The following SPAG16 variants were observed in gnomAD, a reference collection of about 807,000 sequenced individuals.
SPAG16 encodes sperm associated antigen 16.
A neutral mutation model predicts 80.4 loss-of-function variants in SPAG16; 86 were observed. The observed-to-expected ratio is 1.07, with a 90% CI of 0.90 to 1.28. The LOEUF (loss-of-function observed/expected upper bound fraction) is 1.28, where lower values mean the gene tolerates loss of function less well. SPAG16 is among the 50% of genes most tolerant of loss of function. The probability of loss-of-function intolerance (pLI) is 0.00; values close to 1 mark genes in which losing one functional copy is unlikely to be tolerated. For missense variants in SPAG16, 870 were observed against 765.3 expected, an observed-to-expected ratio of 1.14 and a Z score of -1.61; for synonymous variants, 294 against 265.9, an observed-to-expected ratio of 1.11 and a Z score of -1.03.
chr2:213,604,147 CT>C (rs2061170410), intron 10 of SPAG16, among the ~76,000 whole-genome samples: 1 of 152,128 alleles, frequency 6.6e-6, no homozygotes, highest in Admixed American at 6.5e-5. Context: ...CCGCCTCGGC[CT>C]CCCAAAGTGC....
chr2:213,599,130 A>G (rs2060976663), intron 10 of SPAG16, among the ~76,000 whole-genome samples: 1 of 152,238 alleles, frequency 6.6e-6, no homozygotes, highest in African/African-American at 2.4e-5. Context: ...TGAAAAACAA[A>G]TATAGTTTTA....
At chr2:214,037,151 T>G (rs1320556984) in intron 13 of SPAG16, among the ~76,000 whole-genome samples, 2 of 151,872 alleles carry the variant, frequency 1.3e-5, no homozygotes, top group African/African-American at 4.8e-5. Flanking sequence ...TTATAGGGTT[T>G]CCTTTTATCA....
intron 12 of SPAG16, among the ~76,000 whole-genome samples, chr2:213,980,708 G>GTATATATATATATATATA (rs796912299): frequency 2.4e-4 from 25 of 102,690 alleles, no homozygotes; most frequent in Middle Eastern, 5.1e-3. Context: ...GTGTGTGTGT[G>GTATATATATATATATATA]TGTGTATATA....
chr2:213,463,194 C>T lies in SPAG16; in HGVS notation c.943-26769C>T, dbSNP rs888856304. On this transcript the variant is annotated intron_variant, in intron 9 of 15. Coordinates refer to ENST00000331683, the MANE Select transcript of SPAG16 (RefSeq NM_024532.5). ...ACTTGAGAGAGATGATTTAGGACAT[C>T]TGGTGGAAGAAGTTTGTAAGCATCG... is the stretch of plus-strand genomic sequence containing the variant. 3.9e-5 allele frequency among the ~76,000 whole-genome samples: 6 copies of T among 152,162 alleles called. 1 individual carries two copies. Among genetic ancestry groups the T allele is most frequent in the African/African-American group, 1.4e-4 (6 of 41,436 alleles).
intron 10 of SPAG16, among the ~76,000 whole-genome samples, chr2:213,769,781 G>A (rs768200603): frequency 1.4e-4 from 21 of 152,222 alleles, no homozygotes; most frequent in South Asian, 4.1e-4. Flanking sequence ...GACGTGTACA[G>A]TTTGATCATC....
chr2:213,911,083 C>T (rs145833924), intron 11 of SPAG16, among the ~76,000 whole-genome samples: 1 of 152,102 alleles, frequency 6.6e-6, no homozygotes, highest in Non-Finnish European at 1.5e-5. Context: ...AAAGTGATTA[C>T]CATCAATCTG....
rs775471627 is a variant in SPAG16 at position 213,732,082 on chromosome 2, G to A, written c.1071-130403G>A. ...TTAAGTCTTTTATCCATCTTGAGTT[G>A]ATTTTTGTTGATGGTGTAAGGAAGG... On this transcript the variant is annotated intron_variant, in intron 10 of 15. Transcript: ENST00000331683. Among the ~76,000 whole-genome samples, 104 of 152,106 alleles carry A rather than the reference G, an allele frequency of 6.8e-4. 3 individuals carry two copies. The highest frequency in any genetic ancestry group is 2.1e-4 in the Non-Finnish European group (14 of 68,010).
intron 10 of SPAG16, among the ~76,000 whole-genome samples, chr2:213,586,472 A>G (rs984453265): frequency 3.3e-5 from 5 of 152,242 alleles, no homozygotes; most frequent in African/African-American, 9.6e-5. Flanking sequence ...CTTAAGAGTT[A>G]GGATTTCAAA....
chr2:213,350,042 CTTCT>C (rs1276681857), intron 6 of SPAG16, among the ~76,000 whole-genome samples: 1 of 152,010 alleles, frequency 6.6e-6, no homozygotes, highest in African/African-American at 2.4e-5. Flanking sequence ...TGAATTATTC[CTTCT>C]GTTTAGATAT....
At chr2:213,424,131 C>A (rs2069763541) in intron 9 of SPAG16, among the ~76,000 whole-genome samples, 2 of 152,056 alleles carry the variant, frequency 1.3e-5, no homozygotes, top group Non-Finnish European at 2.9e-5. Flanking sequence ...TAAGTGTAGT[C>A]AGGATGTTAT....
At chr2:214,187,009 C>T (rs544387471) in intron 15 of SPAG16, among the ~76,000 whole-genome samples, 3 of 152,184 alleles carry the variant, frequency 2.0e-5, no homozygotes, top group African/African-American at 7.2e-5. Flanking sequence ...GGTGATCCAC[C>T]CACCTTGGCC....
At chr2:213,836,350 T>C (rs1559509050) in intron 10 of SPAG16, among the ~76,000 whole-genome samples, 2 of 152,176 alleles carry the variant, frequency 1.3e-5, no homozygotes, top group Admixed American at 6.5e-5. Context: ...AAATATGCTT[T>C]AGTGGAAATT....
At chr2:213,327,758 G>T (rs972799944) in intron 5 of SPAG16, among the ~76,000 whole-genome samples, 1 of 151,978 alleles carries the variant, frequency 6.6e-6, no homozygotes, top group Non-Finnish European at 1.5e-5. Context: ...ATTTTTGGTT[G>T]ATTAGAAGAT....
chr2:213,920,750 G>T (rs571038877), intron 11 of SPAG16, among the ~76,000 whole-genome samples: 5 of 152,332 alleles, frequency 3.3e-5, no homozygotes, highest in African/African-American at 1.2e-4. Flanking sequence ...AAGTCTGAGA[G>T]TTTCCCTAGG....
At chr2:213,603,786 C>G (rs2061154720) in intron 10 of SPAG16, among the ~76,000 whole-genome samples, 1 of 152,188 alleles carries the variant, frequency 6.6e-6, no homozygotes, top group Admixed American at 6.5e-5. Context: ...ATCCTCTGGC[C>G]TACCATTCAC....
At chr2:213,481,839 G>T (rs1237827718) in intron 9 of SPAG16, among the ~76,000 whole-genome samples, 1 of 152,232 alleles carries the variant, frequency 6.6e-6, no homozygotes, top group Non-Finnish European at 1.5e-5. Context: ...GTCTGTGCAA[G>T]AGAAGGGCAC....
chr2:213,452,046 T>A (rs1559146937), intron 9 of SPAG16, among the ~76,000 whole-genome samples: 1 of 151,890 alleles, frequency 6.6e-6, no homozygotes, highest in African/African-American at 2.4e-5. Flanking sequence ...TATGGCACAC[T>A]GTTTTTACTG....
intron 10 of SPAG16, among the ~76,000 whole-genome samples, chr2:213,861,174 A>G (rs541685804): frequency 2.5e-4 from 38 of 152,314 alleles, no homozygotes; most frequent in African/African-American, 8.4e-4. Flanking sequence ...GGCCATGCCC[A>G]TAGTGGTTAC....
intron 7 of SPAG16, among the ~76,000 whole-genome samples, chr2:213,354,931 CTT>C (rs1464441790): frequency 2.0e-5 from 3 of 152,202 alleles, no homozygotes; most frequent in Non-Finnish European, 2.9e-5. Flanking sequence ...GTCACAAAGT[CTT>C]TGCCCATGCC....
Sources: allele counts gnomAD v4.1 joint callset (sites outside exome capture counted in the v4.1 genomes callset), GRCh38; gene constraint gnomAD v4.1.1; transcripts MANE v1.5; gene names NCBI Gene and HGNC (gene_info 2026-07-23, HGNC 2026-07-21).